SLC25A20: variants seen among roughly 807,000 people sequenced by gnomAD.
The protein encoded by SLC25A20 is mitochondrial carnitine/acylcarnitine carrier protein.
A neutral mutation model predicts 39.7 loss-of-function variants in SLC25A20; 29 were observed. The ratio of observed to expected loss-of-function variants is 0.73; its 90% CI spans 0.54 to 1.00. The LOEUF (loss-of-function observed/expected upper bound fraction) is 1.00. Among genes scored for constraint, SLC25A20 ranks in the 50% least tolerant of loss-of-function variants. The probability of loss-of-function intolerance (pLI) is 0.00; values close to 1 mark genes in which losing one functional copy is unlikely to be tolerated. For missense variants in SLC25A20, 333 were observed against 379.9 expected (o/e 0.88, Z 1.03); for synonymous variants, 103 against 142.2 (o/e 0.72, Z 1.96).
intron 4 of SLC25A20, among the ~76,000 whole-genome samples, chr3:48,865,167 C>T (rs2083657256): frequency 6.6e-6 from 1 of 150,576 alleles, no homozygotes; most frequent in Admixed American, 6.7e-5. Flanking sequence ...CTTGCTCTGT[C>T]ACCAGGCTGG....
intron 4 of SLC25A20, among the ~76,000 whole-genome samples, chr3:48,872,194 A>C (rs1289692214): frequency 6.6e-6 from 1 of 151,082 alleles, no homozygotes; most frequent in Non-Finnish European, 1.5e-5. Flanking sequence ...GCAGTGGCAC[A>C]ATCTTGGCTC....
chr3:48,859,704 A>G, intron 5 of SLC25A20, 77 bp from the exon 6 acceptor site: 1 of 1,152,620 alleles, frequency 8.7e-7, no homozygotes, highest in Non-Finnish European at 1.3e-6. Context: ...CTGTAATCTC[A>G]GCAATTTAGG....
At chr3:48,887,986 A>C (rs1321479473) in intron 2 of SLC25A20, among the ~76,000 whole-genome samples, 1 of 152,060 alleles carries the variant, frequency 6.6e-6, no homozygotes, top group Non-Finnish European at 1.5e-5. Context: ...AGGCAGGCAG[A>C]TCACCTGAGC....
chr3:48,898,860 A>AG lies in SLC25A20; in HGVS notation c.-67dup. On this transcript the variant is annotated 5_prime_UTR_variant, in exon 1 of 9. Transcript: ENST00000319017. ...GTCCTGGCTTCTCAGCCCCAGCTGC[A>AG]GTGCCGGCGCCGCCGACCTTTCACC... 6.8e-7 allele frequency: 1 copy of AG among 1,478,982 alleles called. No homozygotes were observed. The highest frequency in any genetic ancestry group is 9.2e-7 in the Non-Finnish European group (1 of 1,081,924). The allele number at this position is 1,478,982 out of a possible 1,614,324, so 91.6% of individuals were successfully genotyped here.
At chr3:48,858,475 A>G in intron 8 of SLC25A20, 32 bp downstream of exon 8, 1 of 1,613,986 alleles carries the variant, frequency 6.2e-7, no homozygotes, top group African/African-American at 1.3e-5. Context: ...CCTGAGCCCC[A>G]GAGGGAAAGC....
intron 1 of SLC25A20, among the ~76,000 whole-genome samples, chr3:48,897,483 G>C (rs1369195298): frequency 2.0e-5 from 3 of 151,110 alleles, no homozygotes; most frequent in African/African-American, 7.3e-5. Flanking sequence ...AGTAGACAGT[G>C]CCGCTTGGAA....
At chr3:48,867,657 GA>G (rs1333713485) in intron 4 of SLC25A20, among the ~76,000 whole-genome samples, 38 of 140,516 alleles carry the variant, frequency 2.7e-4, no homozygotes, top group South Asian at 4.5e-4. Flanking sequence ...GTGGCTGAGG[GA>G]AAAAAAAAAA....
At chr3:48,878,773 C>A in intron 4 of SLC25A20, among the ~76,000 whole-genome samples, 1 of 148,606 alleles carries the variant, frequency 6.7e-6, no homozygotes, top group African/African-American at 2.5e-5. Context: ...GCACTCCAGC[C>A]TGCGAAACAC....
At position 48,898,800 on chromosome 3, in the gene SLC25A20, G is replaced by C. The variant is rs748707313; in HGVS notation, c.-6C>G. On this transcript the variant is annotated 5_prime_UTR_variant, in exon 1 of 9. Transcript: ENST00000319017. ...GGTTTTGGCTGGTCGGCCATGGTCA[G>C]TCCGTCTGTCACTCCGTCTGTCAGT... is the stretch of plus-strand genomic sequence containing the variant. 1 of 1,559,364 alleles carries C rather than the reference G, an allele frequency of 6.4e-7. No individual in the cohort carries two copies. The highest frequency in any genetic ancestry group is 1.9e-5 in the Admixed American group (1 of 51,946).
intron 1 of SLC25A20, among the ~76,000 whole-genome samples, chr3:48,894,125 C>G (rs1163583508): frequency 6.3e-5 from 9 of 143,936 alleles, no homozygotes; most frequent in South Asian, 2.2e-4. Context: ...CGCACCTTTG[C>G]ACTTCAGCCT....
intron 2 of SLC25A20, among the ~76,000 whole-genome samples, chr3:48,888,593 A>G (rs528772884): frequency 1.3e-4 from 19 of 151,172 alleles, no homozygotes; most frequent in Non-Finnish European, 2.1e-4. Flanking sequence ...AAATAAATAA[A>G]TAAATAAATA....
intron 2 of SLC25A20, among the ~76,000 whole-genome samples, chr3:48,884,541 G>A (rs1043217878): frequency 1.3e-5 from 2 of 151,964 alleles, no homozygotes; most frequent in African/African-American, 4.8e-5. Context: ...GTAGAGACAG[G>A]GTTTTGCCAT....
At chr3:48,893,970 G>A (rs1468426803) in intron 1 of SLC25A20, among the ~76,000 whole-genome samples, 1 of 151,486 alleles carries the variant, frequency 6.6e-6, no homozygotes, top group Admixed American at 6.6e-5. Context: ...AGACCAGCAT[G>A]GCCAACATGG....
intron 4 of SLC25A20, among the ~76,000 whole-genome samples, chr3:48,873,968 C>CAAAAAAA (rs11316117): frequency 2.2e-4 from 9 of 41,078 alleles, no homozygotes; most frequent in African/African-American, 3.6e-4. Context: ...GACTCCATCT[C>CAAAAAAA]AAAAAAAAAA....
intron 4 of SLC25A20, among the ~76,000 whole-genome samples, chr3:48,877,122 G>A (rs951364371): frequency 1.3e-5 from 2 of 151,216 alleles, no homozygotes; most frequent in Non-Finnish European, 2.9e-5. Flanking sequence ...GGCCAGGCAC[G>A]GTGGCTCACA....
chr3:48,858,945 G>T (rs1203428234), intron 7 of SLC25A20, 147 bp downstream of exon 7: 1 of 717,818 alleles, frequency 1.4e-6, no homozygotes, highest in East Asian at 2.7e-5. Context: ...GAATGCAAAT[G>T]ACTGTGAGGG....
At chr3:48,878,271 AAAAT>A (rs373951366) in intron 4 of SLC25A20, among the ~76,000 whole-genome samples, 8,886 of 77,516 alleles carry the variant, frequency 0.11, 332 homozygotes, top group South Asian at 0.17. Context: ...ACAAAAAAAA[AAAAT>A]ATATATATAT....
rs1170822885 is a variant in SLC25A20 at position 48,862,636 on chromosome 3, G to A, written c.441C>T (p.Ser147=). ...CACAGTCCAAGGTACCAGTGTACTTGCTTTCTCCTGAAGAAGCCTGAATCT... is the reference window on the plus strand; with the variant it reads ...CACAGTCCAAGGTACCAGTGTACTTACTTTCTCCTGAAGAAGCCTGAATCT... ...LLQIQASSGE[S]KYTGTLDCAK... Residue 147 remains serine (S), a synonymous_variant, in exon 5 of 9, where the codon AGC becomes AGT. Transcript: ENST00000319017. 1.9e-6 allele frequency: 3 copies of A among 1,613,528 alleles called. No individual in the cohort carries two copies. Among genetic ancestry groups the A allele is most frequent in the Non-Finnish European group, 2.5e-6 (3 of 1,179,570 alleles).
chr3:48,892,156 A>T, intron 1 of SLC25A20, 84 bp from the exon 2 acceptor site: 1 of 1,003,704 alleles, frequency 1.0e-6, no homozygotes, highest in Non-Finnish European at 1.6e-6. Context: ...TGCCAAACTG[A>T]ACAGGGAAGG....
Sources: allele counts gnomAD v4.1 joint callset (sites outside exome capture counted in the v4.1 genomes callset), GRCh38; gene constraint gnomAD v4.1.1; transcripts MANE v1.5; gene names NCBI Gene and HGNC (gene_info 2026-07-23, HGNC 2026-07-21).